The following SLC45A2 variants were observed in gnomAD, a reference collection of about 807,000 sequenced individuals.
The protein encoded by SLC45A2 is solute carrier family 45 member 2.
SLC45A2 carries 36 observed loss-of-function variants against 45.5 expected under a neutral mutation model. The ratio of observed to expected loss-of-function variants is 0.79; its 90% CI spans 0.61 to 1.04. The LOEUF (loss-of-function observed/expected upper bound fraction) is 1.04. Among genes scored for constraint, SLC45A2 ranks in the 50% least tolerant of loss-of-function variants. SLC45A2 has a pLI of 0.00. For synonymous variants in SLC45A2, 306 were observed against 269.3 expected (o/e 1.14, Z -1.33); for missense variants, 719 against 671.0 (o/e 1.07, Z -0.79).
At position 33,963,925 on chromosome 5, in the gene SLC45A2, C is replaced by T; in HGVS notation, c.654G>A (p.Met218Ile). ...GRLLGTEFQVMFFFSALVLTL... is the reference protein window; with the variant it reads ...GRLLGTEFQVIFFFSALVLTL... ...TGAGCACCAATGCAGAGAAGAAGAA[C>T]ATGACCTGGAATTCTGTACCCAACA... Residue 218 changes from methionine to isoleucine, a missense_variant, in exon 3 of 7, where the codon ATG (methionine) becomes ATA (isoleucine). Physicochemically the swap from Met to Ile is conservative, Grantham distance 10. Coordinates refer to ENST00000296589, the MANE Select transcript of SLC45A2 (RefSeq NM_016180.5). 6.2e-7 allele frequency: 1 copy of T among 1,614,172 alleles called. No homozygotes were observed. Among genetic ancestry groups the T allele is most frequent in the South Asian group, 1.1e-5 (1 of 91,082 alleles).
intron 3 of SLC45A2, among the ~76,000 whole-genome samples, chr5:33,956,572 A>AC (rs1225065955): frequency 1.3e-5 from 2 of 152,170 alleles, no homozygotes; most frequent in African/African-American, 2.4e-5. Context: ...TAGCAGAAAA[A>AC]CACACAAAAG....
At chr5:33,951,011 G>C (rs35397) in intron 5 of SLC45A2, among the ~76,000 whole-genome samples, 1 of 152,084 alleles carries the variant, frequency 6.6e-6, no homozygotes, top group African/African-American at 2.4e-5. Flanking sequence ...CTGCAACTTA[G>C]GTAAGTGGAG....
At chr5:33,950,032 AT>A (rs956352560) in intron 5 of SLC45A2, among the ~76,000 whole-genome samples, 8 of 151,544 alleles carry the variant, frequency 5.3e-5, no homozygotes, top group African/African-American at 9.7e-5. Context: ...TAAAAAAAAA[AT>A]TTTTTTTAAA....
At chr5:33,952,273 G>C (rs250417) in intron 4 of SLC45A2, among the ~76,000 whole-genome samples, 128,366 of 152,016 alleles carry the variant, frequency 0.84, 56,572 homozygotes, top group Non-Finnish European at 0.97. Flanking sequence ...TTACAGGCAT[G>C]ATCCACCATG....
chr5:33,982,119 C>A, intron 2 of SLC45A2, 117 bp downstream of exon 2: 1 of 1,141,332 alleles, frequency 8.8e-7, no homozygotes, highest in African/African-American at 1.5e-5. Flanking sequence ...ACGGGAGCAG[C>A]CCATCAGCTG....
chr5:33,962,073 T>C (rs990676980), intron 3 of SLC45A2, among the ~76,000 whole-genome samples: 1 of 152,234 alleles, frequency 6.6e-6, no homozygotes, highest in Non-Finnish European at 1.5e-5. Flanking sequence ...TTATCTTTCA[T>C]GCTGTTTTCT....
At chr5:33,963,043 A>C (rs1409839528) in intron 3 of SLC45A2, among the ~76,000 whole-genome samples, 1 of 152,344 alleles carries the variant, frequency 6.6e-6, no homozygotes, top group East Asian at 1.9e-4. Flanking sequence ...TGAGCATTTG[A>C]AATGTAGCTA....
At chr5:33,964,323 G>A (rs1752540716) in intron 2 of SLC45A2, among the ~76,000 whole-genome samples, 1 of 152,154 alleles carries the variant, frequency 6.6e-6, no homozygotes. Context: ...GATGGGGCCA[G>A]ACACATAGCA....
intron 3 of SLC45A2, among the ~76,000 whole-genome samples, chr5:33,955,010 ATCGCTCACT>A (rs1752233638): frequency 6.6e-6 from 1 of 152,184 alleles, no homozygotes; most frequent in Non-Finnish European, 1.5e-5. Context: ...AAGGTTATTA[ATCGCTCACT>A]TTGAGTTAAT....
chr5:33,956,252 G>C (rs1030790249), intron 3 of SLC45A2, among the ~76,000 whole-genome samples: 3 of 152,080 alleles, frequency 2.0e-5, no homozygotes, highest in African/African-American at 7.2e-5. Context: ...CTGCAGACAA[G>C]AGCAGAGCTT....
chr5:33,974,839 G>C (rs548573250), intron 2 of SLC45A2, among the ~76,000 whole-genome samples: 3 of 152,212 alleles, frequency 2.0e-5, no homozygotes, highest in Non-Finnish European at 2.9e-5. Flanking sequence ...ATTTTAAATA[G>C]TATGGGTAAT....
chr5:33,968,841 C>T (rs1237377666), intron 2 of SLC45A2, among the ~76,000 whole-genome samples: 1 of 152,162 alleles, frequency 6.6e-6, no homozygotes, highest in African/African-American at 2.4e-5. Flanking sequence ...TGAGAGCTAG[C>T]TATGTGCTGT....
chr5:33,946,093 T>C, intron 6 of SLC45A2: 1 of 985,418 alleles, frequency 1.0e-6, no homozygotes, highest in Non-Finnish European at 1.2e-6. Flanking sequence ...AGCTTCCAAG[T>C]GAGAGAGGCA....
At chr5:33,955,519 G>A (rs1752247610) in intron 3 of SLC45A2, among the ~76,000 whole-genome samples, 1 of 152,144 alleles carries the variant, frequency 6.6e-6, no homozygotes, top group African/African-American at 2.4e-5. Context: ...TCAGCTCCCT[G>A]TTCTTAGCCA....
At chr5:33,960,613 G>A (rs1163712781) in intron 3 of SLC45A2, among the ~76,000 whole-genome samples, 2 of 152,162 alleles carry the variant, frequency 1.3e-5, no homozygotes, top group African/African-American at 2.4e-5. Context: ...CAGGGGGTAA[G>A]TGTGGAAAGG....
At chr5:33,946,064 A>G (rs1751916279) in intron 6 of SLC45A2, 1 of 985,306 alleles carries the variant, frequency 1.0e-6, no homozygotes, top group Admixed American at 6.1e-5. Flanking sequence ...ACAAGTAAAT[A>G]ACATCCCCAG....
intron 5 of SLC45A2, 65 bp from the exon 6 acceptor site, chr5:33,947,439 C>T: frequency 1.4e-6 from 2 of 1,409,348 alleles, no homozygotes. Flanking sequence ...TAATTTCAGA[C>T]AATCCTTTCT....
rs139358151 is a variant in SLC45A2, at chr5:33,975,645, G to A, written c.562+6591C>T. On this transcript the variant is annotated intron_variant, in intron 2 of 6. Coordinates refer to ENST00000296589, the MANE Select transcript of SLC45A2 (RefSeq NM_016180.5). ...TTTGCATTTTATGTGATAGCTACCAGCTTTGTCTATTCAATTGTAATTGCT... is the reference window on the plus strand; with the variant it reads ...TTTGCATTTTATGTGATAGCTACCAACTTTGTCTATTCAATTGTAATTGCT... Among the ~76,000 whole-genome samples, 479 of 152,250 alleles carry A rather than the reference G, an allele frequency of 3.1e-3. 4 individuals are homozygous for A. Among genetic ancestry groups the A allele is most frequent in the African/African-American group, 0.011 (456 of 41,536 alleles).
chr5:33,984,120 A>G, intron 1 of SLC45A2, 79 bp downstream of exon 1: 1 of 1,590,588 alleles, frequency 6.3e-7, no homozygotes, highest in Non-Finnish European at 8.6e-7. Flanking sequence ...GAAAGGTCAA[A>G]CACATGAACA....
Sources: allele counts gnomAD v4.1 joint callset (sites outside exome capture counted in the v4.1 genomes callset), GRCh38; gene constraint gnomAD v4.1.1; transcripts MANE v1.5; gene names NCBI Gene and HGNC (gene_info 2026-07-23, HGNC 2026-07-21).